UQCR11: variants seen among roughly 807,000 people sequenced by gnomAD.
UQCR11 encodes ubiquinol-cytochrome c reductase, complex III subunit XI.
A neutral mutation model predicts 7.6 loss-of-function variants in UQCR11; 10 were observed. The observed-to-expected ratio is 1.31, with a 90% CI of 0.81 to 2.22. The LOEUF is 2.22. UQCR11 is among the 30% of genes most tolerant of loss of function. The pLI is 0.00. For synonymous variants in UQCR11, 34 were observed against 34.9 expected (o/e 0.97, Z 0.09); for missense variants, 86 against 75.1 (o/e 1.15, Z -0.54).
intron 1 of UQCR11, among the ~76,000 whole-genome samples, chr19:1,600,787 T>G (rs2060745069): frequency 2.0e-5 from 3 of 151,944 alleles, no homozygotes; most frequent in Admixed American, 2.0e-4. Flanking sequence ...GGCAGGAGGA[T>G]CTCTTGAGCC....
chr19:1,599,126 C>T (rs1359186670), intron 2 of UQCR11: 2 of 342,038 alleles, frequency 5.8e-6, no homozygotes, highest in African/African-American at 4.3e-5. Context: ...GGCTGCAGTG[C>T]CCACTGAGAC....
At chr19:1,603,283 C>A (rs1354563224) in intron 1 of UQCR11, among the ~76,000 whole-genome samples, 2 of 152,198 alleles carry the variant, frequency 1.3e-5, no homozygotes, top group Non-Finnish European at 1.5e-5. Context: ...GGTCTATTGG[C>A]GCGTCCCTAA....
intron 1 of UQCR11, among the ~76,000 whole-genome samples, chr19:1,603,113 A>G (rs1258527602): frequency 6.6e-6 from 1 of 152,170 alleles, no homozygotes; most frequent in Admixed American, 6.5e-5. Flanking sequence ...CTAGCCTCCC[A>G]AAGCCACTGC....
chr19:1,599,301 C>T (rs2060740151), intron 2 of UQCR11, 111 bp downstream of exon 2: 1 of 1,432,726 alleles, frequency 7.0e-7, no homozygotes, highest in Non-Finnish European at 9.5e-7. Context: ...CAGGTCTCTC[C>T]AGGGGGAGCA....
Position 1,597,840 on chromosome 19 carries a change from G to A in UQCR11, c.*404C>T, listed in dbSNP as rs1280267854. On this transcript the variant is annotated 3_prime_UTR_variant, in exon 3 of 3. Coordinates refer to ENST00000591899, the MANE Select transcript of UQCR11 (RefSeq NM_006830.4). ...AATGTTCGTTGCTTTAAGCCACTAC[G>A]TGTGGGTGACTTGTTAAGGCAGCAA... 2.0e-5 allele frequency: 3 copies of A among 152,242 alleles called. No individual in the cohort carries two copies. Among genetic ancestry groups the A allele is most frequent in the African/African-American group, 2.4e-5 (1 of 41,466 alleles). The allele number at this position is 152,242 out of a possible 1,614,324, so 9.4% of individuals were successfully genotyped here. A position where few individuals can be genotyped will look rare whatever the true frequency, so the allele number is the denominator to read the frequency against.
chr19:1,601,580 A>G (rs2060747192), intron 1 of UQCR11, among the ~76,000 whole-genome samples: 1 of 146,726 alleles, frequency 6.8e-6, no homozygotes, highest in African/African-American at 2.5e-5. Context: ...CAGCCTGGTG[A>G]CAGAGCGAGA....
At position 1,598,079 on chromosome 19, in the gene UQCR11, A is replaced by C. The variant is rs2060736707; in HGVS notation, c.*165T>G. The C allele has an allele frequency of 6.6e-6, 1 of 152,270 alleles. No individual in the cohort carries two copies. Among genetic ancestry groups the C allele is most frequent in the East Asian group, 1.9e-4 (1 of 5,202 alleles). 9.4% of individuals were successfully genotyped at this position (152,270 alleles called of 1,614,324 possible). On this transcript the variant is annotated 3_prime_UTR_variant, in exon 3 of 3. Transcript: ENST00000591899. ...TTCAGTGAGGTTTAATGCAACGTGC[A>C]TTAAAATATCCAAGCTGTTTTCAGA...
At chr19:1,604,884 C>T (rs767137877) in intron 1 of UQCR11, among the ~76,000 whole-genome samples, 3 of 152,260 alleles carry the variant, frequency 2.0e-5, no homozygotes, top group Non-Finnish European at 2.9e-5. Flanking sequence ...ACGGAGGCCA[C>T]CCCCAGCCCG....
intron 1 of UQCR11, among the ~76,000 whole-genome samples, chr19:1,604,820 C>A (rs1436192398): frequency 6.6e-6 from 1 of 152,236 alleles, no homozygotes; most frequent in East Asian, 1.9e-4. Flanking sequence ...GGAGCCACCG[C>A]ACCCAGCCAG....
chr19:1,599,263 G>A (rs112914837), intron 2 of UQCR11, 149 bp downstream of exon 2: 11 of 1,077,238 alleles, frequency 1.0e-5, no homozygotes, highest in South Asian at 9.3e-5. Context: ...GATGCCAGAA[G>A]GGGCACCCAG....
chr19:1,605,217 T>C (rs1440083867), intron 1 of UQCR11, 143 bp downstream of exon 1: 4 of 1,039,834 alleles, frequency 3.8e-6, no homozygotes, highest in South Asian at 1.8e-5. Flanking sequence ...TCGGCCTCAG[T>C]TTCCCCCTCT....
intron 1 of UQCR11, among the ~76,000 whole-genome samples, chr19:1,604,305 C>A (rs2060755562): frequency 6.6e-6 from 1 of 152,094 alleles, no homozygotes; most frequent in Admixed American, 6.5e-5. Flanking sequence ...TCTCAAATTC[C>A]CAGGCTCAAA....
At chr19:1,598,671 AC>A (rs762816413) in intron 2 of UQCR11, among the ~76,000 whole-genome samples, 4 of 152,214 alleles carry the variant, frequency 2.6e-5, no homozygotes, top group Non-Finnish European at 5.9e-5. Context: ...AGATCGCGCC[AC>A]CGTATTCCAG....
intron 2 of UQCR11, among the ~76,000 whole-genome samples, chr19:1,598,724 G>A (rs1488651228): frequency 6.6e-6 from 1 of 152,152 alleles, no homozygotes; most frequent in African/African-American, 2.4e-5. Flanking sequence ...AAAAAGAAAC[G>A]TCCCTTCCAT....
chr19:1,603,474 G>A (rs1466038621), intron 1 of UQCR11, among the ~76,000 whole-genome samples: 2 of 152,108 alleles, frequency 1.3e-5, no homozygotes, highest in Non-Finnish European at 2.9e-5. Context: ...GCGTGGTGGC[G>A]GGCGCCTGTA....
chr19:1,599,086 C>G, intron 2 of UQCR11: 1 of 265,802 alleles, frequency 3.8e-6, no homozygotes, highest in Non-Finnish European at 7.4e-6. Context: ...CCTTCCCCCT[C>G]TGTCTGTAAC....
Position 1,603,401 on chromosome 19 carries a change from G to T in UQCR11, c.50+1959C>A, listed in dbSNP as rs181798699. Among the ~76,000 whole-genome samples, 341 of 152,252 alleles carry T rather than the reference G, an allele frequency of 2.2e-3. 1 individual carries two copies. The highest frequency in any genetic ancestry group is 7.7e-3 in the African/African-American group (318 of 41,540). On this transcript the variant is annotated intron_variant, in intron 1 of 2. Transcript: ENST00000591899. ...GTGGATCACGAGGTCAGAAGATCGT[G>T]ACCATCCTGGCTAACACGGTGAAAC...
At chr19:1,601,599 CAA>C (rs56108793) in intron 1 of UQCR11, among the ~76,000 whole-genome samples, 15 of 81,164 alleles carry the variant, frequency 1.8e-4, no homozygotes, top group Admixed American at 4.3e-4. Context: ...GACACCGTCT[CAA>C]AAAAAAAAAA....
chr19:1,598,652 A>G (rs1466856027), intron 2 of UQCR11, among the ~76,000 whole-genome samples: 1 of 152,192 alleles, frequency 6.6e-6, no homozygotes, highest in Non-Finnish European at 1.5e-5. Context: ...CAGAGGGTGC[A>G]GTGAGCTGAG....
Sources: gnomAD v4.1 joint callset for allele counts (sites outside exome capture counted in the v4.1 genomes callset) on GRCh38, gnomAD v4.1.1 for gene constraint, MANE v1.5 for transcripts, NCBI Gene and HGNC (gene_info 2026-07-23, HGNC 2026-07-21) for gene names.